The following ARHGAP26 variants were observed in gnomAD, a reference collection of about 807,000 sequenced individuals.
ARHGAP26 encodes the protein Rho GTPase activating protein 26.
In ARHGAP26, 38 loss-of-function variants were observed where a neutral mutation model predicts 104.8. The ratio of observed to expected loss-of-function variants is 0.36; its 90% CI spans 0.28 to 0.48. The LOEUF (loss-of-function observed/expected upper bound fraction) is 0.48. Among genes scored for constraint, ARHGAP26 ranks in the 20% least tolerant of loss-of-function variants. The pLI is 0.99. For missense variants in ARHGAP26, 704 were observed against 947.9 expected, an observed-to-expected ratio of 0.74 and a Z score of 3.38; for synonymous variants, 341 against 340.0, an observed-to-expected ratio of 1.00 and a Z score of -0.03.
chr5:143,152,246 A>G (rs1799939039), intron 20 of ARHGAP26, among the ~76,000 whole-genome samples: 4 of 152,238 alleles, frequency 2.6e-5, no homozygotes, highest in Admixed American at 2.6e-4. Context: ...ATGAACCAAT[A>G]TAAATATTGG....
At chr5:142,785,092 G>A (rs542419625) in intron 1 of ARHGAP26, among the ~76,000 whole-genome samples, 160 of 151,862 alleles carry the variant, frequency 1.1e-3, no homozygotes, top group African/African-American at 3.6e-3. Flanking sequence ...CACCATGCCC[G>A]GCTAATTTTT....
chr5:142,958,859 A>G (rs1438159155), intron 11 of ARHGAP26, among the ~76,000 whole-genome samples: 1 of 150,944 alleles, frequency 6.6e-6, no homozygotes, highest in Non-Finnish European at 1.5e-5. Flanking sequence ...ACTTGAAGCC[A>G]GGAGTTTGAG....
At chr5:143,027,347 TC>T (rs1356707138) in intron 12 of ARHGAP26, among the ~76,000 whole-genome samples, 12 of 150,754 alleles carry the variant, frequency 8.0e-5, no homozygotes, top group African/African-American at 2.9e-4. Flanking sequence ...AATTTTTTTT[TC>T]TTTTTTTTTT....
chr5:143,056,217 C>T (rs1431644870), intron 16 of ARHGAP26, 131 bp downstream of exon 16: 7 of 670,504 alleles, frequency 1.0e-5, no homozygotes, highest in African/African-American at 3.7e-5. Flanking sequence ...ATAACATACT[C>T]ATGAGATTCT....
At chr5:143,072,828 T>C (rs1377322636) in intron 17 of ARHGAP26, among the ~76,000 whole-genome samples, 1 of 152,092 alleles carries the variant, frequency 6.6e-6, no homozygotes, top group Non-Finnish European at 1.5e-5. Flanking sequence ...TACAGCTAGA[T>C]AGGAGAAATA....
intron 14 of ARHGAP26, among the ~76,000 whole-genome samples, chr5:143,051,909 A>G (rs1327230352): frequency 1.3e-5 from 2 of 152,298 alleles, no homozygotes; most frequent in South Asian, 2.1e-4. Flanking sequence ...AAAAATGTAC[A>G]GTAACATTTG....
chr5:143,128,182 T>G (rs971311900), intron 18 of ARHGAP26, among the ~76,000 whole-genome samples: 2 of 152,216 alleles, frequency 1.3e-5, no homozygotes, highest in Non-Finnish European at 2.9e-5. Context: ...GGTTGTGCAT[T>G]TGAACACATA....
chr5:143,058,829 C>G (rs1786255247), intron 17 of ARHGAP26, among the ~76,000 whole-genome samples: 2 of 152,156 alleles, frequency 1.3e-5, no homozygotes, highest in African/African-American at 2.4e-5. Context: ...CCAAGAGTGT[C>G]TTGTGTGTTA....
chr5:143,197,419 T>C (rs560161447), intron 20 of ARHGAP26, among the ~76,000 whole-genome samples: 1 of 151,288 alleles, frequency 6.6e-6, no homozygotes, highest in South Asian at 2.1e-4. Context: ...GTTAGCTATT[T>C]AGTCATTCTG....
chr5:142,874,685 G>T (rs891373096), intron 2 of ARHGAP26, among the ~76,000 whole-genome samples: 1 of 152,184 alleles, frequency 6.6e-6, no homozygotes, highest in Non-Finnish European at 1.5e-5. Flanking sequence ...AATGCCAGCA[G>T]CATTGTTTAT....
At chr5:143,193,562 T>C (rs901192325) in intron 20 of ARHGAP26, among the ~76,000 whole-genome samples, 1 of 152,172 alleles carries the variant, frequency 6.6e-6, no homozygotes, top group Non-Finnish European at 1.5e-5. Flanking sequence ...ACAGTGCTTA[T>C]GTTCAAGTAA....
At chr5:142,771,716 C>T (rs1238276794) in intron 1 of ARHGAP26, among the ~76,000 whole-genome samples, 1 of 152,220 alleles carries the variant, frequency 6.6e-6, no homozygotes, top group African/African-American at 2.4e-5. Context: ...ATCCATAATT[C>T]TCAGAAAGAA....
chr5:143,034,540 A>G (rs1473218535), intron 12 of ARHGAP26, among the ~76,000 whole-genome samples: 1 of 152,238 alleles, frequency 6.6e-6, no homozygotes, highest in Non-Finnish European at 1.5e-5. Flanking sequence ...GGTGTTCACA[A>G]TAGGCAAATC....
rs1170162450 is a variant in ARHGAP26, at chr5:142,777,797, G to C, written c.154+6882G>C. The stretch of plus-strand genomic sequence containing the variant: ...GGCGCGGCCAGTTGTGACTGTAGCA[G>C]AGTGAAGGCGAATGCACAAAGAGAT... On this transcript the variant is annotated intron_variant, in intron 1 of 22. Coordinates refer to ENST00000645722, the MANE Select transcript of ARHGAP26 (RefSeq NM_001135608.3). 2.0e-5 allele frequency among the ~76,000 whole-genome samples: 3 copies of C among 152,198 alleles called. No homozygotes were observed. The East Asian group carries it at 5.8e-4, about 29-fold the overall frequency.
intron 1 of ARHGAP26, among the ~76,000 whole-genome samples, chr5:142,835,448 G>T (rs564277304): frequency 6.6e-6 from 1 of 152,186 alleles, no homozygotes; most frequent in Non-Finnish European, 1.5e-5. Flanking sequence ...AAGTCTATTT[G>T]ATACAAGAAG....
intron 17 of ARHGAP26, among the ~76,000 whole-genome samples, chr5:143,111,657 C>CA: frequency 6.6e-6 from 1 of 152,336 alleles, no homozygotes; most frequent in Non-Finnish European, 1.5e-5. Flanking sequence ...AGATAGGAGA[C>CA]ACTGTCTTAG....
chr5:143,054,304 G>T, intron 14 of ARHGAP26, 135 bp from the exon 15 acceptor site: 1 of 567,434 alleles, frequency 1.8e-6, no homozygotes, highest in Non-Finnish European at 3.0e-6. Context: ...AATTTAATAG[G>T]TAAAAAAAAT....
intron 11 of ARHGAP26, among the ~76,000 whole-genome samples, chr5:142,960,402 C>T (rs766071663): frequency 5.3e-5 from 8 of 152,218 alleles, no homozygotes; most frequent in East Asian, 1.9e-4. Flanking sequence ...ATGAAAAATT[C>T]CAGAAATAAA....
intron 11 of ARHGAP26, among the ~76,000 whole-genome samples, chr5:142,975,779 G>A (rs769917773): frequency 6.6e-6 from 1 of 152,204 alleles, no homozygotes; most frequent in Non-Finnish European, 1.5e-5. Flanking sequence ...AGTAGCTCCA[G>A]TCTTTGTGTC....
Sources: gnomAD v4.1 joint callset for allele counts (sites outside exome capture counted in the v4.1 genomes callset) on GRCh38, gnomAD v4.1.1 for gene constraint, MANE v1.5 for transcripts, NCBI Gene and HGNC (gene_info 2026-07-23, HGNC 2026-07-21) for gene names.